The following DTNB variants were observed in gnomAD, a reference collection of about 807,000 sequenced individuals.
DTNB encodes DTN-B.
Under a neutral mutation model 90.7 loss-of-function variants are expected in DTNB, and 63 were observed. That is an observed-to-expected ratio of 0.69 (90% CI 0.57 to 0.86). DTNB has a LOEUF of 0.86. Among genes scored for constraint, DTNB ranks in the 40% least tolerant of loss-of-function variants. The probability of loss-of-function intolerance (pLI) is 0.00; values close to 1 mark genes in which losing one functional copy is unlikely to be tolerated. For synonymous variants in DTNB, 277 were observed against 286.7 expected (o/e 0.97, Z 0.34); for missense variants, 744 against 807.1 (o/e 0.92, Z 0.95).
intron 10 of DTNB, among the ~76,000 whole-genome samples, chr2:25,472,180 A>T (rs2062934714): frequency 6.6e-6 from 1 of 152,256 alleles, no homozygotes; most frequent in Non-Finnish European, 1.5e-5. Flanking sequence ...AAAGGCATCG[A>T]ACACACAGCT....
intron 16 of DTNB, among the ~76,000 whole-genome samples, chr2:25,404,779 T>G (rs948606230): frequency 2.0e-5 from 3 of 151,934 alleles, no homozygotes; most frequent in African/African-American, 7.3e-5. Context: ...CGCTTGAACC[T>G]GGGAGACAGA....
chr2:25,512,122 A>C (rs1228541506), intron 9 of DTNB, among the ~76,000 whole-genome samples: 1 of 152,228 alleles, frequency 6.6e-6, no homozygotes, highest in Non-Finnish European at 1.5e-5. Context: ...GCCACTTTAC[A>C]CCAAAGGAGA....
At position 25,610,577 on chromosome 2, in the gene DTNB, ATT is replaced by A. The variant is rs1247951776; in HGVS notation, c.363-3258_363-3257del. ...TTTCACAAAATGTTCCCTCATGAACATTTAAAGTTCACTGAATGAACTTTCAC... is the reference window on the plus strand; with the variant it reads ...TTTCACAAAATGTTCCCTCATGAACATAAAGTTCACTGAATGAACTTTCAC... On this transcript the variant is annotated intron_variant, in intron 4 of 20. Coordinates refer to ENST00000406818, the MANE Select transcript of DTNB (RefSeq NM_021907.5). 5.9e-5 allele frequency among the ~76,000 whole-genome samples: 9 copies of A among 152,360 alleles called. No individual in the cohort carries two copies. The East Asian group carries it at 1.7e-3, about 29-fold the overall frequency.
intron 6 of DTNB, among the ~76,000 whole-genome samples, chr2:25,581,173 A>C (rs960326218): frequency 6.6e-6 from 1 of 152,178 alleles, no homozygotes; most frequent in Admixed American, 6.5e-5. Flanking sequence ...CTGTCCTTCA[A>C]GTCACCATTT....
rs186611436 is a variant in DTNB, at chr2:25,533,986, G to A, written c.877-2389C>T. Among the ~76,000 whole-genome samples, 56 of 132,520 alleles carry A rather than the reference G, an allele frequency of 4.2e-4. No homozygotes were observed. The East Asian group carries it at 0.013, about 31-fold the overall frequency. 86.9% of individuals were successfully genotyped at this position (132,520 alleles called of 152,430 possible). A position where few individuals can be genotyped will look rare whatever the true frequency, so the allele number is the denominator to read the frequency against. ...TTTATTTATTTTTTGGAAATGCAGC[G>A]TTTATTTTTTTTTTAATTTTTTTTT... On this transcript the variant is annotated intron_variant, in intron 8 of 20. Transcript: ENST00000406818.
intron 2 of DTNB, among the ~76,000 whole-genome samples, chr2:25,647,058 A>G (rs987714427): frequency 6.6e-6 from 1 of 152,256 alleles, no homozygotes; most frequent in African/African-American, 2.4e-5. Flanking sequence ...AAGAATTAAG[A>G]AATTTAAGTA....
At chr2:25,617,132 T>C (rs1573488204) in intron 4 of DTNB, among the ~76,000 whole-genome samples, 1 of 152,232 alleles carries the variant, frequency 6.6e-6, no homozygotes, top group East Asian at 1.9e-4. Flanking sequence ...TCCACCTGTA[T>C]GCACTTTCAG....
intron 4 of DTNB, among the ~76,000 whole-genome samples, chr2:25,615,747 T>C (rs1319668214): frequency 6.6e-6 from 1 of 152,212 alleles, no homozygotes; most frequent in African/African-American, 2.4e-5. Context: ...TGTATATTTC[T>C]TATTATTTCG....
chr2:25,570,273 T>G (rs1028937921), intron 8 of DTNB, among the ~76,000 whole-genome samples: 1 of 151,416 alleles, frequency 6.6e-6, no homozygotes, highest in African/African-American at 2.4e-5. Flanking sequence ...CTGGGAATGG[T>G]GGCACACGAC....
intron 8 of DTNB, among the ~76,000 whole-genome samples, chr2:25,560,905 A>G (rs1398891872): frequency 6.6e-6 from 1 of 152,132 alleles, no homozygotes; most frequent in Non-Finnish European, 1.5e-5. Flanking sequence ...ACAGGAAGCT[A>G]ATATATCTGT....
intron 10 of DTNB, among the ~76,000 whole-genome samples, chr2:25,473,046 C>T (rs192616429): frequency 9.9e-4 from 150 of 152,254 alleles, no homozygotes; most frequent in African/African-American, 3.4e-3. Context: ...AAGTTTCAAT[C>T]GGAAGAATAA....
In DTNB at chr2:25,607,249, C is replaced by T; in HGVS notation, c.435G>A (p.Leu145=). The T allele has an allele frequency of 6.2e-7, 1 of 1,602,954 alleles. No individual in the cohort carries two copies. Among genetic ancestry groups the T allele is most frequent in the Non-Finnish European group, 8.5e-7 (1 of 1,174,374 alleles). Residue 145 remains leucine, a synonymous_variant, in exon 5 of 21, where the codon CTG becomes CTA. Coordinates refer to ENST00000406818, the MANE Select transcript of DTNB (RefSeq NM_021907.5). ...MLATMCGGKM[L]DKLRYVFSQM... ...GAAAATACTTACATCTCAATTTGTC[C>T]AGCATTTTTCCACCACACATGGTTG...
chr2:25,538,923 T>A (rs1262952911), intron 8 of DTNB, among the ~76,000 whole-genome samples: 4 of 152,230 alleles, frequency 2.6e-5, no homozygotes, highest in Non-Finnish European at 5.9e-5. Flanking sequence ...GGATTTTGTA[T>A]TAATCATTTC....
chr2:25,627,134 C>T (rs1322396334), intron 4 of DTNB, among the ~76,000 whole-genome samples: 1 of 152,082 alleles, frequency 6.6e-6, no homozygotes, highest in Non-Finnish European at 1.5e-5. Flanking sequence ...TCTGTTTGGC[C>T]AGGTGTGGTG....
chr2:25,477,277 T>C (rs2063918248), intron 10 of DTNB, among the ~76,000 whole-genome samples: 1 of 152,238 alleles, frequency 6.6e-6, no homozygotes, highest in African/African-American at 2.4e-5. Flanking sequence ...GTCACTTGAT[T>C]ACAATATACA....
intron 9 of DTNB, among the ~76,000 whole-genome samples, chr2:25,487,650 G>C (rs72797632): frequency 0.041 from 6,264 of 152,206 alleles, 185 homozygotes; most frequent in Non-Finnish European, 0.06. Flanking sequence ...GTCATGGAAG[G>C]CCTCAGAGAG....
At chr2:25,558,059 G>T in intron 8 of DTNB, 1 of 277,324 alleles carries the variant, frequency 3.6e-6, no homozygotes, top group Non-Finnish European at 5.5e-6. Context: ...TCAGAAAGAA[G>T]GTGTGCAAGA....
chr2:25,591,578 G>A lies in DTNB; in HGVS notation c.603+4508C>T, dbSNP rs549426493. Among the ~76,000 whole-genome samples, 8 of 152,190 alleles carry A rather than the reference G, an allele frequency of 5.3e-5. No individual in the cohort carries two copies. In the East Asian group the frequency reaches 7.7e-4, roughly 15 times the overall value. ...TTATTTTAAACAACTTTTAAGCGTC[G>A]AAAGTCAGTTAGTTTGTAAACTCTG... On this transcript the variant is annotated intron_variant, in intron 6 of 20. Transcript: ENST00000406818.
intron 1 of DTNB, among the ~76,000 whole-genome samples, chr2:25,656,912 G>A (rs1476402123): frequency 2.6e-5 from 4 of 152,168 alleles, no homozygotes; most frequent in African/African-American, 7.2e-5. Context: ...AGTGGCTCAC[G>A]CCTGTAATCC....
Sources: gnomAD v4.1 joint callset for allele counts (sites outside exome capture counted in the v4.1 genomes callset) on GRCh38, gnomAD v4.1.1 for gene constraint, MANE v1.5 for transcripts, NCBI Gene and HGNC (gene_info 2026-07-23, HGNC 2026-07-21) for gene names.